Variants in CNOT6L observed in about 807,000 individuals in gnomAD.
The protein encoded by CNOT6L is CCR4-NOT transcription complex subunit 6 like.
A neutral mutation model predicts 64.0 loss-of-function variants in CNOT6L; 7 were observed. That is an observed-to-expected ratio of 0.11 (90% CI 0.06 to 0.21). CNOT6L has a LOEUF of 0.21. Among genes scored for constraint, CNOT6L ranks in the 10% least tolerant of loss-of-function variants. The pLI is 1.00. For synonymous variants in CNOT6L, 193 were observed against 243.4 expected (o/e 0.79, Z 1.93); for missense variants, 245 against 669.0 (o/e 0.37, Z 6.99).
chr4:77,780,674 TA>T (rs1208800066), intron 1 of CNOT6L, among the ~76,000 whole-genome samples: 1 of 152,176 alleles, frequency 6.6e-6, no homozygotes, highest in Non-Finnish European at 1.5e-5. Context: ...CTCCTTACAT[TA>T]AAAAGTTTTA....
intron 6 of CNOT6L, among the ~76,000 whole-genome samples, chr4:77,747,654 G>T (rs1197545667): frequency 1.3e-5 from 2 of 152,082 alleles, no homozygotes; most frequent in Non-Finnish European, 2.9e-5. Context: ...AGCCTAAAAT[G>T]TCAAATATGA....
chr4:77,773,522 T>C (rs1249869023), intron 3 of CNOT6L, among the ~76,000 whole-genome samples: 1 of 152,152 alleles, frequency 6.6e-6, no homozygotes, highest in Non-Finnish European at 1.5e-5. Context: ...ACAACAGATA[T>C]CCTTGAAACT....
chr4:77,742,424 A>T, intron 7 of CNOT6L, 129 bp from the exon 8 acceptor site: 1 of 888,968 alleles, frequency 1.1e-6, no homozygotes, highest in Non-Finnish European at 1.8e-6. Context: ...TTATCTTACT[A>T]TCTTACCTGA....
At chr4:77,799,236 T>G (rs556872821) in intron 1 of CNOT6L, among the ~76,000 whole-genome samples, 1 of 152,262 alleles carries the variant, frequency 6.6e-6, no homozygotes, top group East Asian at 1.9e-4. Context: ...AAGACCAGCC[T>G]GGGCAACACA....
At chr4:77,744,306 T>C (rs546650240) in intron 7 of CNOT6L, among the ~76,000 whole-genome samples, 242 of 152,140 alleles carry the variant, frequency 1.6e-3, no homozygotes, top group African/African-American at 5.5e-3. Flanking sequence ...GTACAATATA[T>C]TAAAATATGT....
rs79720402 is a variant in CNOT6L, at chr4:77,792,294, C to T, written c.6-15902G>A. Among the ~76,000 whole-genome samples, 206 of 151,846 alleles carry T rather than the reference C, an allele frequency of 1.4e-3. 4 individuals carry two copies. The East Asian group carries it at 0.032, about 23-fold the overall frequency. On this transcript the variant is annotated intron_variant, in intron 1 of 11. Transcript: ENST00000504123. ...CCTACATCCATGGCAACTATAGAGG[C>T]AAAAATTCTATACTTTAAGCCATCA...
rs372117500 is a variant in CNOT6L, at chr4:77,766,483, A to C, written c.400+6598T>G. 1.2e-4 allele frequency among the ~76,000 whole-genome samples: 19 copies of C among 152,134 alleles called. No individual in the cohort carries two copies. The East Asian group carries it at 1.4e-3, about 11-fold the overall frequency. On this transcript the variant is annotated intron_variant, in intron 4 of 11. Coordinates refer to ENST00000504123, the MANE Select transcript of CNOT6L (RefSeq NM_144571.3). ...TATTAATGCTTCCACTCAACATCAT[A>C]TGAATTATCCTAGAGTCAGTGCATT...
intron 1 of CNOT6L, among the ~76,000 whole-genome samples, chr4:77,796,057 G>A (rs1013992176): frequency 3.3e-5 from 5 of 151,872 alleles, no homozygotes; most frequent in African/African-American, 4.8e-5. Flanking sequence ...TGTTACATGG[G>A]TATATTGCAT....
chr4:77,758,165 G>A (rs28580607), intron 4 of CNOT6L, among the ~76,000 whole-genome samples: 11,744 of 152,160 alleles, frequency 0.077, 496 homozygotes, highest in East Asian at 0.11. Context: ...CTAGGGTGAC[G>A]GAAATATTCT....
intron 1 of CNOT6L, among the ~76,000 whole-genome samples, chr4:77,782,275 A>G (rs1488748442): frequency 6.6e-6 from 1 of 152,146 alleles, no homozygotes; most frequent in Non-Finnish European, 1.5e-5. Context: ...TGCTTAACAA[A>G]GCAAATAACT....
chr4:77,756,193 T>A (rs1044974497), intron 5 of CNOT6L, among the ~76,000 whole-genome samples: 2 of 152,114 alleles, frequency 1.3e-5, no homozygotes, highest in African/African-American at 4.8e-5. Flanking sequence ...GGTTTCACCA[T>A]GTTGGCCAGG....
intron 8 of CNOT6L, among the ~76,000 whole-genome samples, chr4:77,740,548 C>T (rs374606054): frequency 6.6e-6 from 1 of 152,208 alleles, no homozygotes; most frequent in Non-Finnish European, 1.5e-5. Context: ...AGTTATTGAA[C>T]TTGTCTGTAC....
chr4:77,749,949 G>A (rs1724668891), intron 5 of CNOT6L, among the ~76,000 whole-genome samples: 1 of 152,040 alleles, frequency 6.6e-6, no homozygotes, highest in South Asian at 2.1e-4. Flanking sequence ...TTACAGCATT[G>A]TTTATATTAA....
intron 1 of CNOT6L, among the ~76,000 whole-genome samples, chr4:77,806,348 C>A (rs1732216417): frequency 6.6e-6 from 1 of 152,046 alleles, no homozygotes; most frequent in Non-Finnish European, 1.5e-5. Flanking sequence ...TCGCTTGAAC[C>A]TGGGAGGCGG....
At chr4:77,815,572 A>C (rs1304412308) in intron 1 of CNOT6L, among the ~76,000 whole-genome samples, 3 of 152,224 alleles carry the variant, frequency 2.0e-5, no homozygotes, top group Non-Finnish European at 4.4e-5. Context: ...CTAACATCTA[A>C]AATAACACCA....
intron 7 of CNOT6L, among the ~76,000 whole-genome samples, chr4:77,743,052 T>C (rs1047723841): frequency 6.6e-6 from 1 of 152,126 alleles, no homozygotes; most frequent in African/African-American, 2.4e-5. Flanking sequence ...ACATGGAAAA[T>C]CCATTAAGTA....
At chr4:77,762,562 C>T (rs1357021431) in intron 4 of CNOT6L, among the ~76,000 whole-genome samples, 2 of 152,076 alleles carry the variant, frequency 1.3e-5, no homozygotes, top group Non-Finnish European at 2.9e-5. Flanking sequence ...CAAAACAAAC[C>T]ATCAACCTAA....
intron 9 of CNOT6L, among the ~76,000 whole-genome samples, 175 bp from the exon 10 acceptor site, chr4:77,729,256 G>A (rs2109884313): frequency 6.6e-6 from 1 of 152,224 alleles, no homozygotes; most frequent in East Asian, 1.9e-4. Flanking sequence ...CTGAGATTCT[G>A]GTAATCCTAC....
chr4:77,794,857 T>A (rs1012347108), intron 1 of CNOT6L, among the ~76,000 whole-genome samples: 1 of 151,894 alleles, frequency 6.6e-6, no homozygotes, highest in Non-Finnish European at 1.5e-5. Context: ...AAACAATAAA[T>A]TATATATATG....
Sources: allele counts gnomAD v4.1 joint callset (sites outside exome capture counted in the v4.1 genomes callset), GRCh38; gene constraint gnomAD v4.1.1; transcripts MANE v1.5; gene names NCBI Gene and HGNC (gene_info 2026-07-23, HGNC 2026-07-21).